Variants in ADK observed in about 807,000 individuals in gnomAD.
ADK encodes adenosine kinase.
A neutral mutation model predicts 44.7 loss-of-function variants in ADK; 24 were observed. The ratio of observed to expected loss-of-function variants is 0.54; its 90% CI spans 0.39 to 0.76. The LOEUF (loss-of-function observed/expected upper bound fraction) is 0.76, where lower values mean the gene tolerates loss of function less well. Ranked by LOEUF, ADK falls within the 30% of genes least tolerant of loss-of-function variation. The probability of loss-of-function intolerance (pLI) is 0.00; values close to 1 mark genes in which losing one functional copy is unlikely to be tolerated. For synonymous variants in ADK, 128 were observed against 142.6 expected (o/e 0.90, Z 0.73); for missense variants, 321 against 425.1 (o/e 0.76, Z 2.15).
At chr10:74,412,593 G>A (rs1055187429) in intron 6 of ADK, among the ~76,000 whole-genome samples, 4 of 152,154 alleles carry the variant, frequency 2.6e-5, no homozygotes, top group Non-Finnish European at 4.4e-5. Flanking sequence ...ATTACTCATT[G>A]ATCCATGGGC....
intron 7 of ADK, among the ~76,000 whole-genome samples, chr10:74,546,859 G>A (rs574240979): frequency 2.0e-4 from 31 of 152,120 alleles, no homozygotes; most frequent in African/African-American, 7.5e-4. Context: ...GTACCTTTAA[G>A]CGATTTTTTA....
chr10:74,201,676 GTATCTATCTATCTATCTATC>G (rs58785624), intron 2 of ADK, among the ~76,000 whole-genome samples: 2,214 of 117,442 alleles, frequency 0.019, 69 homozygotes, highest in African/African-American at 0.065. Flanking sequence ...ATGTATGTAT[GTATCTATCTATCTATCTATC>G]TATCTATCTA....
intron 2 of ADK, among the ~76,000 whole-genome samples, chr10:74,210,555 C>G (rs1462740301): frequency 6.6e-6 from 1 of 151,604 alleles, no homozygotes; most frequent in East Asian, 1.9e-4. Context: ...ACTTGGGAGG[C>G]TTTAGCTGTA....
intron 6 of ADK, among the ~76,000 whole-genome samples, chr10:74,491,958 T>C (rs555373475): frequency 6.6e-6 from 1 of 152,314 alleles, no homozygotes; most frequent in South Asian, 2.1e-4. Flanking sequence ...GTTTTTTTAA[T>C]TTTAACTTTG....
chr10:74,205,717 A>G (rs1019085897), intron 2 of ADK, among the ~76,000 whole-genome samples: 10 of 151,140 alleles, frequency 6.6e-5, no homozygotes, highest in Non-Finnish European at 1.2e-4. Context: ...AGAGTAATTC[A>G]CTATAGTAAG....
At chr10:74,435,123 G>A in intron 6 of ADK, among the ~76,000 whole-genome samples, 1 of 152,128 alleles carries the variant, frequency 6.6e-6, no homozygotes, top group East Asian at 1.9e-4. Context: ...TTTGCTTAAA[G>A]ATATAAGAGA....
At chr10:74,601,345 A>T (rs1852111805) in intron 9 of ADK, among the ~76,000 whole-genome samples, 2 of 152,182 alleles carry the variant, frequency 1.3e-5, no homozygotes, top group Non-Finnish European at 2.9e-5. Context: ...AGCCTGAAAT[A>T]GGCCAAAGAT....
At chr10:74,540,092 C>T (rs1324688093) in intron 7 of ADK, among the ~76,000 whole-genome samples, 1 of 152,000 alleles carries the variant, frequency 6.6e-6, no homozygotes, top group Admixed American at 6.6e-5. Flanking sequence ...TTAAATCATC[C>T]CCAATCTAAC....
chr10:74,216,529 A>G (rs566033133), intron 2 of ADK, among the ~76,000 whole-genome samples: 1 of 152,096 alleles, frequency 6.6e-6, no homozygotes, highest in East Asian at 1.9e-4. Context: ...GTTGGTGACC[A>G]GCCTGGCCAA....
Position 74,334,038 on chromosome 10 carries a change from G to C in ADK, c.273+19293G>C, listed in dbSNP as rs80341746. Among the ~76,000 whole-genome samples the C allele has an allele frequency of 1.7e-3, 266 of 152,066 alleles. 3 individuals carry two copies. Among genetic ancestry groups the C allele is most frequent in the East Asian group, 0.017 (89 of 5,182 alleles). On this transcript the variant is annotated intron_variant, in intron 4 of 10. Transcript: ENST00000539909. Reference sequence around the variant, plus strand: ...AGTTATAATTTATATACAAAAAAGTGATCTTTGTAGTGTATGTTTCTGCAA... The same window carrying C: ...AGTTATAATTTATATACAAAAAAGTCATCTTTGTAGTGTATGTTTCTGCAA...
intron 6 of ADK, among the ~76,000 whole-genome samples, chr10:74,522,304 T>C (rs1848867006): frequency 6.6e-6 from 1 of 152,158 alleles, no homozygotes; most frequent in Non-Finnish European, 1.5e-5. Flanking sequence ...AAGTCCTGTC[T>C]GTTAGATTAT....
intron 1 of ADK, among the ~76,000 whole-genome samples, chr10:74,152,428 A>G (rs997745887): frequency 3.2e-4 from 49 of 152,210 alleles, no homozygotes; most frequent in African/African-American, 1.2e-3. Flanking sequence ...TATTCCAACT[A>G]TATGCAGAAT....
At chr10:74,631,448 G>C (rs1403726101) in intron 9 of ADK, among the ~76,000 whole-genome samples, 1 of 150,510 alleles carries the variant, frequency 6.6e-6, no homozygotes, top group Non-Finnish European at 1.5e-5. Flanking sequence ...GTAGAGATGG[G>C]GTTTCTCCAT....
intron 6 of ADK, among the ~76,000 whole-genome samples, chr10:74,513,581 C>G (rs760546997): frequency 6.6e-5 from 10 of 152,076 alleles, no homozygotes; most frequent in Non-Finnish European, 1.2e-4. Context: ...TCCATTTGCA[C>G]TGAATATTTT....
chr10:74,578,440 C>T (rs978745579), intron 7 of ADK, among the ~76,000 whole-genome samples: 12 of 152,094 alleles, frequency 7.9e-5, no homozygotes, highest in African/African-American at 9.7e-5. Context: ...GCCTAGCAAA[C>T]ATTTTTTTTA....
chr10:74,349,741 CA>C (rs1040937460), intron 4 of ADK, among the ~76,000 whole-genome samples: 47 of 138,946 alleles, frequency 3.4e-4, no homozygotes, highest in Middle Eastern at 3.6e-3. Flanking sequence ...AAATGGAAAG[CA>C]AAAAAAAAAG....
At chr10:74,325,390 C>T (rs1840970822) in intron 4 of ADK, among the ~76,000 whole-genome samples, 3 of 152,098 alleles carry the variant, frequency 2.0e-5, no homozygotes, top group Admixed American at 2.0e-4. Context: ...TTGGTACATT[C>T]TTTAGGGTTT....
At chr10:74,282,608 T>C (rs1846984146) in intron 3 of ADK, among the ~76,000 whole-genome samples, 1 of 152,220 alleles carries the variant, frequency 6.6e-6, no homozygotes, top group African/African-American at 2.4e-5. Context: ...TTTGGAACTA[T>C]GCATAGTAAT....
intron 4 of ADK, among the ~76,000 whole-genome samples, chr10:74,364,461 T>G (rs1842435355): frequency 6.6e-6 from 1 of 152,222 alleles, no homozygotes; most frequent in Admixed American, 6.5e-5. Context: ...CCAAATCCAG[T>G]GAACACTTTT....
Sources: gnomAD v4.1 joint callset for allele counts (sites outside exome capture counted in the v4.1 genomes callset) on GRCh38, gnomAD v4.1.1 for gene constraint, MANE v1.5 for transcripts, NCBI Gene and HGNC (gene_info 2026-07-23, HGNC 2026-07-21) for gene names.